MAN1A2: variants seen among roughly 807,000 people sequenced by gnomAD.
The protein encoded by MAN1A2 is mannosyl-oligosaccharide 1,2-alpha-mannosidase IB.
In MAN1A2, 26 loss-of-function variants were observed where a neutral mutation model predicts 75.7. That is an observed-to-expected ratio of 0.34 (90% CI 0.25 to 0.48). The LOEUF (loss-of-function observed/expected upper bound fraction) is 0.48. Among genes scored for constraint, MAN1A2 ranks in the 20% least tolerant of loss-of-function variants. MAN1A2 has a pLI of 0.99. For synonymous variants in MAN1A2, 247 were observed against 264.6 expected (o/e 0.93, Z 0.65); for missense variants, 562 against 775.5 (o/e 0.72, Z 3.27).
intron 7 of MAN1A2, among the ~76,000 whole-genome samples, chr1:117,460,972 C>T (rs753023800): frequency 2.0e-5 from 3 of 151,976 alleles, no homozygotes; most frequent in Non-Finnish European, 4.4e-5. Flanking sequence ...TCACAGATTA[C>T]GTGATTATTG....
Position 117,439,796 on chromosome 1 carries a change from A to G in MAN1A2, c.856-2435A>G, listed in dbSNP as rs138041345. 2.6e-3 allele frequency among the ~76,000 whole-genome samples: 393 copies of G among 152,240 alleles called. 2 individuals are homozygous for G. Among genetic ancestry groups the G allele is most frequent in the African/African-American group, 8.7e-3 (361 of 41,564 alleles). On this transcript the variant is annotated intron_variant, in intron 5 of 12. Coordinates refer to ENST00000356554, the MANE Select transcript of MAN1A2 (RefSeq NM_006699.5). Reference sequence around the variant, plus strand: ...AGGGGTGAGCCACCACGCCCAGCCTAACTTTCGTTACTTATACTTTAAAGC... The same window carrying G: ...AGGGGTGAGCCACCACGCCCAGCCTGACTTTCGTTACTTATACTTTAAAGC...
intron 12 of MAN1A2, among the ~76,000 whole-genome samples, chr1:117,510,435 GT>G (rs1203659761): frequency 1.3e-5 from 2 of 152,018 alleles, no homozygotes; most frequent in Non-Finnish European, 2.9e-5. Flanking sequence ...CAAACCTTTT[GT>G]TTTAAGTAAA....
rs1037317970 is a variant in MAN1A2, at chr1:117,526,204, G to T, written c.*3247G>T. On this transcript the variant is annotated 3_prime_UTR_variant, in exon 13 of 13. Coordinates refer to ENST00000356554, the MANE Select transcript of MAN1A2 (RefSeq NM_006699.5). ...TTTGAATGAGTGCATGAGTAAATGA[G>T]AGAATGTGTGAACGAACATTTATGA... 1 of 151,856 alleles carries T rather than the reference G, an allele frequency of 6.6e-6. No individual in the cohort carries two copies. The highest frequency in any genetic ancestry group is 1.5e-5 in the Non-Finnish European group (1 of 67,836). The allele number at this position is 151,856 out of a possible 1,614,324, so 9.4% of individuals were successfully genotyped here.
chr1:117,503,613 A>G (rs1651266010), intron 12 of MAN1A2, among the ~76,000 whole-genome samples: 2 of 151,728 alleles, frequency 1.3e-5, no homozygotes, highest in South Asian at 2.1e-4. Context: ...CCAAATAAAT[A>G]TCTCTTCATA....
intron 5 of MAN1A2, among the ~76,000 whole-genome samples, chr1:117,423,155 A>G (rs1648253074): frequency 6.6e-6 from 1 of 152,078 alleles, no homozygotes; most frequent in African/African-American, 2.4e-5. Flanking sequence ...CTACTTTTTC[A>G]TTAATTGACT....
At chr1:117,482,448 T>G (rs574060778) in intron 8 of MAN1A2, among the ~76,000 whole-genome samples, 2 of 152,238 alleles carry the variant, frequency 1.3e-5, no homozygotes, top group South Asian at 4.1e-4. Context: ...TGGTTTTGAT[T>G]TGCATTTCTC....
At chr1:117,520,695 C>A (rs1479178588) in intron 12 of MAN1A2, among the ~76,000 whole-genome samples, 1 of 151,892 alleles carries the variant, frequency 6.6e-6, no homozygotes, top group Non-Finnish European at 1.5e-5. Flanking sequence ...TGGAAACATC[C>A]CATGCTCATG....
rs560682064 is a variant in MAN1A2 at position 117,408,387 on chromosome 1, T to C, written c.655+2742T>C. 2.0e-5 allele frequency among the ~76,000 whole-genome samples: 3 copies of C among 152,248 alleles called. No homozygotes were observed. In the South Asian group the frequency reaches 6.2e-4, roughly 32 times the overall value. On this transcript the variant is annotated intron_variant, in intron 3 of 12. Coordinates refer to ENST00000356554, the MANE Select transcript of MAN1A2 (RefSeq NM_006699.5). The stretch of plus-strand genomic sequence containing the variant: ...GAAAGTTTTGTTAGGGATAGGTCTT[T>C]TTGCATGTAGAAGAAATTATTTTAA...
intron 10 of MAN1A2, among the ~76,000 whole-genome samples, chr1:117,497,915 T>C (rs1651080498): frequency 6.6e-6 from 1 of 151,938 alleles, no homozygotes; most frequent in Admixed American, 6.6e-5. Context: ...ACAATTTCTG[T>C]TTTAGGGTTA....
rs545560917 is a variant in MAN1A2 at position 117,451,920 on chromosome 1, G to A, written c.951-8569G>A. ...GGAGGACTGTGTGAGTCCAGGAGGCGGAGCTTGCAGCGAGCTGAAATTGTG... is the reference window on the plus strand; with the variant it reads ...GGAGGACTGTGTGAGTCCAGGAGGCAGAGCTTGCAGCGAGCTGAAATTGTG... On this transcript the variant is annotated intron_variant, in intron 6 of 12. Transcript: ENST00000356554. Among the ~76,000 whole-genome samples, 18 of 152,160 alleles carry A rather than the reference G, an allele frequency of 1.2e-4. No individual in the cohort carries two copies. In the South Asian group the frequency reaches 3.5e-3, roughly 30 times the overall value.
intron 5 of MAN1A2, among the ~76,000 whole-genome samples, chr1:117,421,186 A>T (rs762679055): frequency 1.3e-5 from 2 of 152,038 alleles, no homozygotes. Context: ...TTACTATTGA[A>T]ATAGGTTAAA....
intron 1 of MAN1A2, among the ~76,000 whole-genome samples, chr1:117,390,086 ATTAG>A (rs1045619389): frequency 7.2e-5 from 11 of 152,066 alleles, no homozygotes; most frequent in East Asian, 1.9e-4. Context: ...TATGAGGGAT[ATTAG>A]TTTGTTTGTT....
intron 8 of MAN1A2, among the ~76,000 whole-genome samples, chr1:117,479,256 T>A (rs1025436430): frequency 3.9e-5 from 6 of 151,982 alleles, no homozygotes; most frequent in African/African-American, 1.4e-4. Context: ...TCCAGCCATG[T>A]CCCTGCAAAG....
intron 12 of MAN1A2, among the ~76,000 whole-genome samples, chr1:117,514,443 A>G (rs1039121476): frequency 5.9e-5 from 9 of 151,900 alleles, no homozygotes; most frequent in African/African-American, 2.4e-5. Flanking sequence ...ATTATCCAGA[A>G]TAGGTATTGG....
At chr1:117,500,980 C>T (rs754555063) in intron 11 of MAN1A2, among the ~76,000 whole-genome samples, 3 of 151,776 alleles carry the variant, frequency 2.0e-5, no homozygotes, top group Non-Finnish European at 4.4e-5. Flanking sequence ...TCCTTATTTA[C>T]AGGAATGAGG....
chr1:117,492,590 A>G (rs1228915107), intron 8 of MAN1A2, among the ~76,000 whole-genome samples: 1 of 152,050 alleles, frequency 6.6e-6, no homozygotes, highest in Non-Finnish European at 1.5e-5. Context: ...TTGTATGAAT[A>G]GTAATCAAGG....
chr1:117,493,029 C>T, intron 8 of MAN1A2, 118 bp from the exon 9 acceptor site: 1 of 611,536 alleles, frequency 1.6e-6, no homozygotes, highest in East Asian at 2.8e-5. Context: ...ATAGGGTTGT[C>T]AATGTAATTT....
At chr1:117,441,120 G>C (rs1209040794) in intron 5 of MAN1A2, among the ~76,000 whole-genome samples, 1 of 152,082 alleles carries the variant, frequency 6.6e-6, no homozygotes, top group African/African-American at 2.4e-5. Flanking sequence ...CTTGTTGAGG[G>C]AACTTTGGAA....
chr1:117,476,678 C>T (rs1382428594), intron 8 of MAN1A2, among the ~76,000 whole-genome samples: 2 of 151,716 alleles, frequency 1.3e-5, no homozygotes, highest in Non-Finnish European at 2.9e-5. Flanking sequence ...AGATGTGTAG[C>T]GTTATTTCTG....
Sources: allele counts gnomAD v4.1 joint callset (sites outside exome capture counted in the v4.1 genomes callset), GRCh38; gene constraint gnomAD v4.1.1; transcripts MANE v1.5; gene names NCBI Gene and HGNC (gene_info 2026-07-23, HGNC 2026-07-21).